Variants in SLC25A13 observed in about 807,000 individuals in gnomAD.
SLC25A13 encodes the protein solute carrier family 25 member 13.
A neutral mutation model predicts 85.5 loss-of-function variants in SLC25A13; 70 were observed. That is an observed-to-expected ratio of 0.82 (90% CI 0.68 to 1.00). The LOEUF is 1.00. SLC25A13 is among the 50% of genes least tolerant of loss of function. SLC25A13 has a pLI of 0.00. For missense variants in SLC25A13, 765 were observed against 819.8 expected (o/e 0.93, Z 0.82); for synonymous variants, 259 against 288.7 (o/e 0.90, Z 1.04).
rs879108475 is a variant in SLC25A13 at position 96,247,633 on chromosome 7, G to A, written c.213-12716C>T. Reference sequence around the variant, plus strand: ...ACAAAATGAACTTAAAGAATAAGGTGCTTAAAAATCAAGGTATATAGGAAT... The same window carrying A: ...ACAAAATGAACTTAAAGAATAAGGTACTTAAAAATCAAGGTATATAGGAAT... On this transcript the variant is annotated intron_variant, in intron 3 of 17. Coordinates refer to ENST00000265631, the MANE Select transcript of SLC25A13 (RefSeq NM_014251.3). Among the ~76,000 whole-genome samples the A allele has an allele frequency of 2.0e-5, 3 of 152,230 alleles. 1 individual carries two copies. Among genetic ancestry groups the A allele is most frequent in the Middle Eastern group, 6.8e-3 (2 of 294 alleles).
intron 13 of SLC25A13, among the ~76,000 whole-genome samples, chr7:96,168,058 CCACTG>C (rs1793831950): frequency 7.4e-6 from 1 of 135,552 alleles, no homozygotes; most frequent in Non-Finnish European, 1.5e-5. Context: ...CAAGATCCCG[CCACTG>C]CACTCCAGCC....
intron 11 of SLC25A13, 95 bp from the exon 12 acceptor site, chr7:96,171,619 C>G: frequency 9.4e-7 from 1 of 1,061,230 alleles, no homozygotes; most frequent in Non-Finnish European, 1.4e-6. Context: ...TTAAAAACTG[C>G]TTAATCTCTG....
chr7:96,320,238 C>T (rs753229626), intron 1 of SLC25A13, among the ~76,000 whole-genome samples: 2 of 152,150 alleles, frequency 1.3e-5, no homozygotes, highest in Non-Finnish European at 2.9e-5. Flanking sequence ...AACTCCTGGC[C>T]TCAACTGACC....
intron 11 of SLC25A13, among the ~76,000 whole-genome samples, chr7:96,183,185 T>C (rs892557234): frequency 3.3e-5 from 5 of 152,176 alleles, no homozygotes; most frequent in Admixed American, 6.5e-5. Flanking sequence ...CAAAAGGCCT[T>C]TGATGGGGGC....
intron 3 of SLC25A13, among the ~76,000 whole-genome samples, chr7:96,262,950 T>C (rs1415702255): frequency 6.6e-6 from 1 of 151,528 alleles, no homozygotes; most frequent in Non-Finnish European, 1.5e-5. Flanking sequence ...AGGTGGAAAT[T>C]GTTAGCACCA....
intron 13 of SLC25A13, among the ~76,000 whole-genome samples, chr7:96,169,075 G>A (rs1341407815): frequency 2.0e-5 from 3 of 152,188 alleles, no homozygotes; most frequent in Non-Finnish European, 1.5e-5. Flanking sequence ...AGAGAGTCAG[G>A]CAGTAGCCAA....
Position 96,241,878 on chromosome 7 carries a change from C to T in SLC25A13, c.213-6961G>A, listed in dbSNP as rs1327905297. ...CTAACGGACAACCTCCAGTTCTTCT[C>T]CTCCTCTCTGTCCTCGCTTATTCTC... On this transcript the variant is annotated intron_variant, in intron 3 of 17. Transcript: ENST00000265631. Among the ~76,000 whole-genome samples the T allele has an allele frequency of 3.9e-5, 6 of 152,154 alleles. No homozygotes were observed. In the East Asian group the frequency reaches 1.2e-3, roughly 29 times the overall value.
chr7:96,306,672 C>T (rs572173463), intron 1 of SLC25A13: 1 of 728,284 alleles, frequency 1.4e-6, no homozygotes, highest in Admixed American at 3.2e-5. Context: ...TCTTCTTCTC[C>T]TAGGATGGGA....
intron 14 of SLC25A13, among the ~76,000 whole-genome samples, chr7:96,138,310 T>C (rs1470168675): frequency 6.6e-6 from 1 of 152,198 alleles, no homozygotes; most frequent in Non-Finnish European, 1.5e-5. Flanking sequence ...TCTCTAGCTC[T>C]GGTGTTCAGC....
rs866437787 is a variant in SLC25A13, at chr7:96,136,373, G to A, written c.1453-4492C>T. Among the ~76,000 whole-genome samples the A allele has an allele frequency of 2.6e-4, 40 of 152,294 alleles. No homozygotes were observed. The Middle Eastern group carries it at 0.01, about 39-fold the overall frequency. ...GTGGACACTGTGCTGAAAGCCCAAG[G>A]AAGCTTTAATCAATTCTCAAGTTGC... On this transcript the variant is annotated intron_variant, in intron 14 of 17. Transcript: ENST00000265631.
At chr7:96,209,970 C>CA (rs1584459756) in intron 4 of SLC25A13, among the ~76,000 whole-genome samples, 1 of 151,830 alleles carries the variant, frequency 6.6e-6, no homozygotes, top group East Asian at 1.9e-4. Flanking sequence ...CTATTTAAAA[C>CA]AAAAAAAGAA....
At chr7:96,193,815 T>C (rs1794951423) in intron 5 of SLC25A13, among the ~76,000 whole-genome samples, 1 of 152,212 alleles carries the variant, frequency 6.6e-6, no homozygotes, top group Non-Finnish European at 1.5e-5. Context: ...CAAAAATGTC[T>C]CTGCATAGAG....
intron 14 of SLC25A13, among the ~76,000 whole-genome samples, chr7:96,134,793 T>TTACATATATATATATATATATATATA (rs1792193503): frequency 9.8e-6 from 1 of 102,250 alleles, no homozygotes; most frequent in Non-Finnish European, 1.9e-5. Context: ...ACAAACAATT[T>TTACATATATATATATATATATATATA]TATATATATA....
chr7:96,301,521 C>T (rs1028978939), intron 1 of SLC25A13, among the ~76,000 whole-genome samples: 1 of 151,950 alleles, frequency 6.6e-6, no homozygotes, highest in Non-Finnish European at 1.5e-5. Context: ...GGGTCCTTTA[C>T]AGATTACTAT....
At chr7:96,175,326 G>A (rs1794178861) in intron 11 of SLC25A13, among the ~76,000 whole-genome samples, 1 of 152,206 alleles carries the variant, frequency 6.6e-6, no homozygotes, top group South Asian at 2.1e-4. Context: ...GGCACTGGAG[G>A]CTGTGCTTGG....
At chr7:96,256,394 C>CA (rs1047453272) in intron 3 of SLC25A13, among the ~76,000 whole-genome samples, 6 of 150,400 alleles carry the variant, frequency 4.0e-5, no homozygotes, top group African/African-American at 1.2e-4. Context: ...AAATGGAAAG[C>CA]AAAAAAAAGG....
intron 4 of SLC25A13, among the ~76,000 whole-genome samples, chr7:96,214,414 G>A (rs1160422823): frequency 2.6e-5 from 4 of 152,126 alleles, no homozygotes; most frequent in African/African-American, 9.7e-5. Context: ...TTTGAAATAA[G>A]CAATCCAAAA....
At chr7:96,145,880 T>C (rs899957188) in intron 14 of SLC25A13, among the ~76,000 whole-genome samples, 4 of 152,216 alleles carry the variant, frequency 2.6e-5, no homozygotes, top group Non-Finnish European at 5.9e-5. Flanking sequence ...AGACATTTTA[T>C]TTTTCTCCCA....
chr7:96,134,408 A>C (rs930440532), intron 14 of SLC25A13, among the ~76,000 whole-genome samples: 1 of 152,060 alleles, frequency 6.6e-6, no homozygotes, highest in East Asian at 1.9e-4. Flanking sequence ...AACAGTCACT[A>C]ATTTTGTATT....
Sources: gnomAD v4.1 joint callset for allele counts (sites outside exome capture counted in the v4.1 genomes callset) on GRCh38, gnomAD v4.1.1 for gene constraint, MANE v1.5 for transcripts, NCBI Gene and HGNC (gene_info 2026-07-23, HGNC 2026-07-21) for gene names.